Variants in SYNDIG1 observed in about 807,000 individuals in gnomAD.
SYNDIG1 encodes synapse differentiation-inducing gene protein 1.
Under a neutral mutation model 19.4 loss-of-function variants are expected in SYNDIG1, and 9 were observed. The observed-to-expected ratio is 0.46, with a 90% CI of 0.28 to 0.81. The LOEUF is 0.81. Ranked by LOEUF, SYNDIG1 falls within the 30% of genes least tolerant of loss-of-function variation. The pLI is 0.12. For synonymous variants in SYNDIG1, 141 were observed against 145.9 expected, an observed-to-expected ratio of 0.97 and a Z score of 0.24; for missense variants, 311 against 343.3, an observed-to-expected ratio of 0.91 and a Z score of 0.74.
rs924201468 is a variant in SYNDIG1, at chr20:24,594,283, T to G, written c.618+9290T>G. 1.6e-4 allele frequency among the ~76,000 whole-genome samples: 25 copies of G among 152,262 alleles called. 1 individual carries two copies. Among genetic ancestry groups the G allele is most frequent in the Admixed American group, 1.5e-3 (23 of 15,286 alleles). On this transcript the variant is annotated intron_variant, in intron 3 of 3. Transcript: ENST00000376862. ...AGACAGTTATCCTATCACCATTTAT[T>G]GAATAGGGAGTTCTTCCTCCATTGC...
At chr20:24,576,014 G>A (rs2058222418) in intron 2 of SYNDIG1, among the ~76,000 whole-genome samples, 1 of 152,124 alleles carries the variant, frequency 6.6e-6, no homozygotes, top group Non-Finnish European at 1.5e-5. Context: ...CACTGCATCG[G>A]TGACAGCACG....
chr20:24,564,284 A>G (rs1371072227), intron 2 of SYNDIG1, among the ~76,000 whole-genome samples: 2 of 152,220 alleles, frequency 1.3e-5, no homozygotes, highest in Non-Finnish European at 2.9e-5. Flanking sequence ...TACAGTTCAG[A>G]TATGTATTAA....
At chr20:24,512,878 G>C (rs2056779744) in intron 1 of SYNDIG1, among the ~76,000 whole-genome samples, 1 of 152,184 alleles carries the variant, frequency 6.6e-6, no homozygotes, top group South Asian at 2.1e-4. Flanking sequence ...GCAAACCATA[G>C]TAGGGGCAGA....
chr20:24,509,663 G>T (rs530780709), intron 1 of SYNDIG1, among the ~76,000 whole-genome samples: 1 of 152,204 alleles, frequency 6.6e-6, no homozygotes, highest in African/African-American at 2.4e-5. Context: ...GCTGTTAGTG[G>T]TTCATTCAGT....
At chr20:24,659,073 C>T (rs1376702360) in intron 3 of SYNDIG1, among the ~76,000 whole-genome samples, 2 of 152,158 alleles carry the variant, frequency 1.3e-5, no homozygotes. Context: ...CTGCCAATCC[C>T]TCCCGTTCTG....
chr20:24,557,087 C>T (rs1235652574), intron 2 of SYNDIG1, among the ~76,000 whole-genome samples: 1 of 152,146 alleles, frequency 6.6e-6, no homozygotes, highest in African/African-American at 2.4e-5. Context: ...CTTTCTTCCA[C>T]TTGATCGCAT....
intron 1 of SYNDIG1, among the ~76,000 whole-genome samples, chr20:24,538,642 G>T (rs535059611): frequency 2.0e-5 from 3 of 152,236 alleles, no homozygotes; most frequent in East Asian, 1.9e-4. Context: ...GGACCATACG[G>T]TAATTCTATT....
chr20:24,575,498 GGGCTGGAGCGT>G (rs2058212769), intron 2 of SYNDIG1, among the ~76,000 whole-genome samples: 1 of 152,206 alleles, frequency 6.6e-6, no homozygotes, highest in African/African-American at 2.4e-5. Flanking sequence ...TGACCTCCAA[GGGCTGGAGCGT>G]GGTGTGCACC....
At chr20:24,516,641 T>C (rs1485999438) in intron 1 of SYNDIG1, among the ~76,000 whole-genome samples, 4 of 152,176 alleles carry the variant, frequency 2.6e-5, no homozygotes, top group African/African-American at 7.2e-5. Context: ...CTAGTTAGAA[T>C]GGTGATCATT....
intron 1 of SYNDIG1, among the ~76,000 whole-genome samples, chr20:24,533,985 C>T (rs1208475121): frequency 6.6e-6 from 1 of 152,122 alleles, no homozygotes; most frequent in Admixed American, 6.5e-5. Context: ...TGCTCAGCTT[C>T]TGGTGAGGCC....
chr20:24,595,769 G>C (rs1464792233), intron 3 of SYNDIG1, among the ~76,000 whole-genome samples: 1 of 152,080 alleles, frequency 6.6e-6, no homozygotes, highest in Non-Finnish European at 1.5e-5. Flanking sequence ...TGTTATAGAT[G>C]GTGTGCATAG....
At chr20:24,529,894 G>GTGGTGGGGAT (rs2057209740) in intron 1 of SYNDIG1, among the ~76,000 whole-genome samples, 1 of 3,570 alleles carries the variant, frequency 2.8e-4, no homozygotes, top group African/African-American at 1.2e-3. Context: ...ATGGTGGTGA[G>GTGGTGGGGAT]GGTGATGGTA....
At chr20:24,519,774 T>C (rs116750682) in intron 1 of SYNDIG1, among the ~76,000 whole-genome samples, 1,572 of 151,772 alleles carry the variant, frequency 0.01, 33 homozygotes, top group African/African-American at 0.036. Context: ...TTCTCCCTCC[T>C]TCTCCTTCTC....
At chr20:24,581,588 C>G (rs150672013) in intron 2 of SYNDIG1, among the ~76,000 whole-genome samples, 1 of 152,044 alleles carries the variant, frequency 6.6e-6, no homozygotes, top group Non-Finnish European at 1.5e-5. Flanking sequence ...CTGACACCCC[C>G]GAAGCCACAT....
intron 2 of SYNDIG1, among the ~76,000 whole-genome samples, chr20:24,560,805 A>G (rs892392546): frequency 1.3e-5 from 2 of 148,670 alleles, no homozygotes; most frequent in African/African-American, 2.5e-5. Flanking sequence ...CTTGAATGAT[A>G]TAGCATAGCA....
intron 3 of SYNDIG1, among the ~76,000 whole-genome samples, chr20:24,659,995 C>G (rs1044245321): frequency 2.6e-5 from 4 of 152,140 alleles, no homozygotes; most frequent in Non-Finnish European, 4.4e-5. Context: ...TGTTTCCATG[C>G]CAACAGCAGA....
intron 2 of SYNDIG1, among the ~76,000 whole-genome samples, chr20:24,582,502 TC>T (rs1367075242): frequency 9.7e-6 from 1 of 102,626 alleles, no homozygotes; most frequent in African/African-American, 4.3e-5. Context: ...CTGCACATCC[TC>T]CCCCCTGCAT....
intron 3 of SYNDIG1, among the ~76,000 whole-genome samples, chr20:24,644,860 A>G (rs186123867): frequency 5.9e-5 from 9 of 152,306 alleles, no homozygotes; most frequent in African/African-American, 2.2e-4. Flanking sequence ...AACACTCACT[A>G]CTGTGTCCTA....
intron 3 of SYNDIG1, among the ~76,000 whole-genome samples, chr20:24,591,079 C>CGT (rs55725848): frequency 0.022 from 3,209 of 149,156 alleles, 40 homozygotes; most frequent in African/African-American, 0.029. Context: ...TTTACACCTT[C>CGT]GTGTGTGTGT....
Sources: allele counts gnomAD v4.1 joint callset (sites outside exome capture counted in the v4.1 genomes callset), GRCh38; gene constraint gnomAD v4.1.1; transcripts MANE v1.5; gene names NCBI Gene and HGNC (gene_info 2026-07-23, HGNC 2026-07-21).